NRG3: variants seen among roughly 807,000 people sequenced by gnomAD.
NRG3 encodes neuregulin 3.
In NRG3, 31 loss-of-function variants were observed where a neutral mutation model predicts 66.9. The ratio of observed to expected loss-of-function variants is 0.46; its 90% CI spans 0.35 to 0.63. The LOEUF (loss-of-function observed/expected upper bound fraction) is 0.63. Among genes scored for constraint, NRG3 ranks in the 20% least tolerant of loss-of-function variants. The pLI, the probability that NRG3 is intolerant of heterozygous loss-of-function variation, is 0.00. For missense variants in NRG3, 910 were observed against 878.9 expected (o/e 1.04, Z -0.45); for synonymous variants, 393 against 359.4 (o/e 1.09, Z -1.06).
intron 1 of NRG3, among the ~76,000 whole-genome samples, chr10:81,905,908 T>C (rs1292733849): frequency 1.3e-5 from 2 of 152,242 alleles, no homozygotes; most frequent in Non-Finnish European, 2.9e-5. Flanking sequence ...AGCAGCACTG[T>C]ACAAATGTAA....
At chr10:82,864,733 T>C (rs1840536692) in intron 3 of NRG3, among the ~76,000 whole-genome samples, 1 of 152,174 alleles carries the variant, frequency 6.6e-6, no homozygotes, top group African/African-American at 2.4e-5. Flanking sequence ...AGAACAGACA[T>C]GGACACACAT....
At chr10:81,935,889 AC>A in intron 1 of NRG3, among the ~76,000 whole-genome samples, 1 of 144,516 alleles carries the variant, frequency 6.9e-6, no homozygotes, top group Non-Finnish European at 1.5e-5. Flanking sequence ...ACACACACAC[AC>A]ACACACACAC....
intron 2 of NRG3, among the ~76,000 whole-genome samples, chr10:82,512,167 A>G (rs1239753226): frequency 6.6e-6 from 1 of 151,874 alleles, no homozygotes; most frequent in Non-Finnish European, 1.5e-5. Context: ...AGCTTATTAT[A>G]AAATCTATGA....
intron 2 of NRG3, among the ~76,000 whole-genome samples, chr10:82,464,246 T>G (rs1284522496): frequency 6.6e-6 from 1 of 152,238 alleles, no homozygotes; most frequent in East Asian, 1.9e-4. Context: ...ATATGAAGAC[T>G]TAGGCTCAGG....
chr10:82,685,278 A>G (rs989266685), intron 2 of NRG3, among the ~76,000 whole-genome samples: 75 of 152,344 alleles, frequency 4.9e-4, no homozygotes, highest in African/African-American at 1.7e-3. Flanking sequence ...TGCACTGTGT[A>G]AGTGCACACA....
intron 1 of NRG3, among the ~76,000 whole-genome samples, chr10:81,917,597 C>A (rs1845823561): frequency 6.6e-6 from 1 of 152,090 alleles, no homozygotes; most frequent in Admixed American, 6.5e-5. Context: ...TTGACTATGG[C>A]AATAATATGC....
At chr10:82,711,426 T>A (rs2056658070) in intron 2 of NRG3, among the ~76,000 whole-genome samples, 2 of 152,202 alleles carry the variant, frequency 1.3e-5, no homozygotes, top group South Asian at 4.1e-4. Flanking sequence ...ATTTGTGTGT[T>A]ATTCAATGTA....
intron 2 of NRG3, among the ~76,000 whole-genome samples, chr10:82,429,221 A>G (rs1314985578): frequency 6.6e-6 from 1 of 152,026 alleles, no homozygotes; most frequent in African/African-American, 2.4e-5. Context: ...TTTTTAAATC[A>G]GATAGGAAAA....
chr10:82,409,453 G>A (rs918333174), intron 2 of NRG3, among the ~76,000 whole-genome samples: 1 of 151,362 alleles, frequency 6.6e-6, no homozygotes, highest in Non-Finnish European at 1.5e-5. Context: ...ACCCATGCCC[G>A]GATAAACAAA....
chr10:82,814,987 C>A (rs775568724), intron 3 of NRG3, among the ~76,000 whole-genome samples: 1 of 152,128 alleles, frequency 6.6e-6, no homozygotes, highest in Non-Finnish European at 1.5e-5. Flanking sequence ...AGTACTGGAG[C>A]AAAAGTCCAA....
At chr10:82,558,735 T>C (rs1485157087) in intron 2 of NRG3, among the ~76,000 whole-genome samples, 1 of 152,188 alleles carries the variant, frequency 6.6e-6, no homozygotes, top group Non-Finnish European at 1.5e-5. Context: ...ATGCTCATTT[T>C]AGTTTTACAT....
chr10:82,716,972 A>G lies in NRG3; in HGVS notation c.954-21605A>G, dbSNP rs151108576. 1.7e-4 allele frequency among the ~76,000 whole-genome samples: 26 copies of G among 152,308 alleles called. No individual in the cohort carries two copies. The East Asian group carries it at 5.0e-3, about 29-fold the overall frequency. On this transcript the variant is annotated intron_variant, in intron 2 of 8. Coordinates refer to ENST00000372141, the MANE Select transcript of NRG3 (RefSeq NM_001010848.4). Reference sequence around the variant, plus strand: ...TGAGGAAAGTGGTTTCTATTTAATCAGTGAAAATAAGTTTATTAATATGGA... The same window carrying G: ...TGAGGAAAGTGGTTTCTATTTAATCGGTGAAAATAAGTTTATTAATATGGA...
intron 2 of NRG3, among the ~76,000 whole-genome samples, chr10:82,679,605 A>G (rs1318944010): frequency 6.6e-6 from 1 of 152,200 alleles, no homozygotes; most frequent in Non-Finnish European, 1.5e-5. Context: ...AAAAATTATT[A>G]AGAATTTTAA....
At chr10:82,471,538 C>G (rs1340963838) in intron 2 of NRG3, among the ~76,000 whole-genome samples, 2 of 152,082 alleles carry the variant, frequency 1.3e-5, no homozygotes, top group Non-Finnish European at 2.9e-5. Context: ...TTTATTTTAA[C>G]CTATAGGCTT....
chr10:82,783,420 CCT>C (rs1370107920), intron 3 of NRG3, among the ~76,000 whole-genome samples: 1 of 151,256 alleles, frequency 6.6e-6, no homozygotes, highest in Non-Finnish European at 1.5e-5. Context: ...TCAAATTGTC[CCT>C]GTTTGCAGAT....
chr10:82,408,143 G>GAAAGAAAGAAAGAA (rs1554911339), intron 2 of NRG3, among the ~76,000 whole-genome samples: 4 of 139,024 alleles, frequency 2.9e-5, no homozygotes, highest in African/African-American at 1.1e-4. Flanking sequence ...AAGAAAGAAA[G>GAAAGAAAGAAAGAA]AAAAGAAAAA....
intron 2 of NRG3, among the ~76,000 whole-genome samples, chr10:82,714,915 T>C (rs1243283241): frequency 3.3e-5 from 5 of 152,256 alleles, no homozygotes; most frequent in African/African-American, 9.6e-5. Flanking sequence ...TATTTCTGTG[T>C]ATTCTTAAAC....
chr10:82,532,452 T>G (rs749345175), intron 2 of NRG3, among the ~76,000 whole-genome samples: 6 of 149,160 alleles, frequency 4.0e-5, no homozygotes, highest in Non-Finnish European at 7.4e-5. Flanking sequence ...ATATATCTAT[T>G]ACTATACAAT....
intron 1 of NRG3, among the ~76,000 whole-genome samples, chr10:82,153,264 A>G (rs2070916812): frequency 6.6e-6 from 1 of 151,942 alleles, no homozygotes; most frequent in Non-Finnish European, 1.5e-5. Context: ...TATGAGTTTG[A>G]CTTTTTTAGA....
Sources: gnomAD v4.1 joint callset for allele counts (sites outside exome capture counted in the v4.1 genomes callset) on GRCh38, gnomAD v4.1.1 for gene constraint, MANE v1.5 for transcripts, NCBI Gene and HGNC (gene_info 2026-07-23, HGNC 2026-07-21) for gene names.